DRC3: variants seen among roughly 807,000 people sequenced by gnomAD.
DRC3 encodes dynein regulatory complex subunit 3.
A neutral mutation model predicts 57.6 loss-of-function variants in DRC3; 45 were observed. The observed-to-expected ratio is 0.78, with a 90% CI of 0.62 to 1.00. The LOEUF (loss-of-function observed/expected upper bound fraction) is 1.00. Among genes scored for constraint, DRC3 ranks in the 50% least tolerant of loss-of-function variants. The pLI is 0.00. For synonymous variants in DRC3, 257 were observed against 272.3 expected (o/e 0.94, Z 0.55); for missense variants, 655 against 675.2 (o/e 0.97, Z 0.33).
At position 17,992,587 on chromosome 17, in the gene DRC3, C is replaced by T. The variant is rs11657196; in HGVS notation, c.445-178C>T. Among the ~76,000 whole-genome samples, 937 of 152,240 alleles carry T rather than the reference C, an allele frequency of 6.2e-3. 7 individuals carry two copies. The highest frequency in any genetic ancestry group is 0.011 in the Non-Finnish European group (730 of 68,002). ...AAAGCCCATTTCTGACAGAAGGTCTCGGTACTGCTTCCCAGCCTGGAACAC... is the reference window on the plus strand; with the variant it reads ...AAAGCCCATTTCTGACAGAAGGTCTTGGTACTGCTTCCCAGCCTGGAACAC... On this transcript the variant is annotated intron_variant, in intron 5 of 13. Transcript: ENST00000399187.
rs1568557763 is a variant in DRC3, at chr17:18,016,596, G to A, written c.1497G>A (p.Val499=). Residue 499 remains valine, a synonymous_variant, in exon 14 of 14, where the codon GTG becomes GTA. Coordinates refer to ENST00000399187, the MANE Select transcript of DRC3 (RefSeq NM_031294.4). ...KDEIMRNRKR[V]KEINQYIDHM... is the part of the protein sequence containing the mutation. ...AGATCATGAGGAACCGCAAGCGCGT[G>A]AAGGAGATCAATCAGTACATCGACC... 6.2e-7 allele frequency: 1 copy of A among 1,613,932 alleles called. No individual in the cohort carries two copies. The highest frequency in any genetic ancestry group is 2.2e-5 in the East Asian group (1 of 44,872).
In DRC3 at chr17:17,992,805, GC is replaced by G; in HGVS notation, c.487del (p.Leu163SerfsTer50). ...LRRFKCLRTL[S>X]LSRNPISEAE... ...CGGTTCAAGTGCCTGCGGACGCTCA[GC>G]CTCTCTAGGAACCCTATCTCTGAGG... On this transcript the variant is annotated frameshift_variant, in exon 6 of 14. Coordinates refer to ENST00000399187, the MANE Select transcript of DRC3 (RefSeq NM_031294.4). LOFTEE classifies it high-confidence loss of function. 1 of 1,613,842 alleles carries G rather than the reference GC, an allele frequency of 6.2e-7. No individual in the cohort carries two copies. The highest frequency in any genetic ancestry group is 8.5e-7 in the Non-Finnish European group (1 of 1,179,848).
intron 9 of DRC3, 76 bp downstream of exon 9, chr17:17,997,710 G>A: frequency 7.4e-7 from 1 of 1,344,950 alleles, no homozygotes; most frequent in Non-Finnish European, 1.0e-6. Context: ...CCCACTGTAG[G>A]GGGACTGCAA....
intron 5 of DRC3, 150 bp from the exon 6 acceptor site, chr17:17,992,615 C>G: frequency 1.3e-6 from 1 of 776,450 alleles, no homozygotes. Flanking sequence ...TGGAACACCC[C>G]CACGCCTGCA....
intron 4 of DRC3, among the ~76,000 whole-genome samples, chr17:17,985,975 A>G (rs561835929): frequency 3.3e-5 from 5 of 152,258 alleles, no homozygotes; most frequent in African/African-American, 1.2e-4. Flanking sequence ...GCAGTGGCAC[A>G]ATCTCAGCTC....
At chr17:17,997,679 GC>G (rs768359204) in intron 9 of DRC3, 45 bp downstream of exon 9, 3 of 1,503,610 alleles carry the variant, frequency 2.0e-6, no homozygotes, top group Non-Finnish European at 2.7e-6. Flanking sequence ...CCTGCTGTAG[GC>G]CCTCCCTGCT....
chr17:17,990,581 C>T (rs967800360), intron 5 of DRC3, among the ~76,000 whole-genome samples: 3 of 152,206 alleles, frequency 2.0e-5, no homozygotes, highest in South Asian at 2.1e-4. Flanking sequence ...ATGTCACCTC[C>T]CCAGAGAGAC....
intron 9 of DRC3, among the ~76,000 whole-genome samples, chr17:18,003,250 C>G (rs62072050): frequency 0.4 from 60,967 of 151,464 alleles, 13,405 homozygotes; most frequent in East Asian, 0.87. Flanking sequence ...TCTGGGAGGC[C>G]GAGGTGGGTG....
chr17:17,994,209 G>C (rs2043354767), intron 6 of DRC3, 90 bp from the exon 7 acceptor site: 2 of 1,508,808 alleles, frequency 1.3e-6, no homozygotes, highest in Non-Finnish European at 8.9e-7. Flanking sequence ...CCCATGCGCG[G>C]GAGGCTGCAG....
chr17:18,011,031 C>T (rs2044150454), intron 12 of DRC3: 1 of 216,870 alleles, frequency 4.6e-6, no homozygotes, highest in African/African-American at 2.4e-5. Flanking sequence ...GATCTTGGCT[C>T]ACGACAATCT....
intron 3 of DRC3, among the ~76,000 whole-genome samples, chr17:17,980,776 G>A (rs2042639321): frequency 6.6e-6 from 1 of 152,010 alleles, no homozygotes; most frequent in African/African-American, 2.4e-5. Flanking sequence ...TGTATTTTTA[G>A]TAGAGACGGG....
In DRC3 at chr17:17,995,082, C is replaced by T. The variant is rs753600788; in HGVS notation, c.795C>T (p.Tyr265=). ...AEDSEGNNLS[Y]LPGVGELLET... ...ACTCAGAGGGCAACAATCTGTCCTA[C>T]CTGCCTGGTGTCGGTGAGCTCCTTG... The change falls in exon 8 of 14, where the codon TAC becomes TAT. Residue 265 remains tyrosine (Y), a synonymous_variant. Transcript: ENST00000399187. 1 of 1,613,824 alleles carries T rather than the reference C, an allele frequency of 6.2e-7. No homozygotes were observed. Among genetic ancestry groups the T allele is most frequent in the South Asian group, 1.1e-5 (1 of 91,088 alleles).
chr17:17,977,650 C>T lies in DRC3; in HGVS notation c.52C>T (p.Leu18Phe), dbSNP rs1291508127. The T allele has an allele frequency of 1.2e-6, 2 of 1,613,842 alleles. No individual in the cohort carries two copies. Among genetic ancestry groups the T allele is most frequent in the African/African-American group, 1.3e-5 (1 of 74,910 alleles). ...MEPRVMDDDM[L>F]KLAVGDQGPQ... The stretch of plus-strand genomic sequence containing the variant: ...GCCGAGGGTGATGGACGATGACATG[C>T]TCAAGCTGGCCGTCGGGGACCAGGG... Residue 18 changes from leucine to phenylalanine, a missense_variant, in exon 3 of 14, where the codon CTC becomes TTC. Physicochemically the swap from Leu to Phe is conservative, Grantham distance 22 (BLOSUM62 0). Coordinates refer to ENST00000399187, the MANE Select transcript of DRC3 (RefSeq NM_031294.4).
chr17:17,999,929 TGC>T (rs1053806347), intron 9 of DRC3, among the ~76,000 whole-genome samples: 4 of 151,948 alleles, frequency 2.6e-5, no homozygotes, highest in Non-Finnish European at 4.4e-5. Flanking sequence ...TGTGTGTGTG[TGC>T]GTGCGTGCAC....
In DRC3 at chr17:17,979,557, G is replaced by GT. The variant is rs549342808; in HGVS notation, c.160+1800dup. On this transcript the variant is annotated intron_variant, in intron 3 of 13. Transcript: ENST00000399187. ...TTTTTTTGGCAGTCCTGTCATGCTG[G>GT]TAACTCATTTAGAGCTAACTGCCAA... 3.3e-5 allele frequency among the ~76,000 whole-genome samples: 5 copies of GT among 152,244 alleles called. No homozygotes were observed. The South Asian group carries it at 1.0e-3, about 32-fold the overall frequency.
rs1381510818 is a variant in DRC3 at position 17,983,962 on chromosome 17, G to C, written c.277+18G>C. 1 of 1,515,738 alleles carries C rather than the reference G, an allele frequency of 6.6e-7. No individual in the cohort carries two copies. Among genetic ancestry groups the C allele is most frequent in the South Asian group, 1.1e-5 (1 of 88,610 alleles). The allele number at this position is 1,515,738 out of a possible 1,614,324, so 93.9% of individuals were successfully genotyped here. A position where few individuals can be genotyped will look rare whatever the true frequency, so the allele number is the denominator to read the frequency against. On this transcript the variant is annotated intron_variant, in intron 4 of 13. Coordinates refer to ENST00000399187, the MANE Select transcript of DRC3 (RefSeq NM_031294.4). ...CTGGCTGGGTAAGGCCCTTTCCTCTGTGTGTCCACCCTAATCGAAGGTGAC... is the reference window on the plus strand; with the variant it reads ...CTGGCTGGGTAAGGCCCTTTCCTCTCTGTGTCCACCCTAATCGAAGGTGAC...
intron 3 of DRC3, among the ~76,000 whole-genome samples, chr17:17,979,712 G>T (rs546241999): frequency 1.6e-4 from 24 of 152,188 alleles, no homozygotes; most frequent in African/African-American, 5.8e-4. Context: ...TGCTACTGCT[G>T]GGGGGCTGTC....
intron 5 of DRC3, among the ~76,000 whole-genome samples, chr17:17,990,656 C>A (rs2043185745): frequency 6.6e-6 from 1 of 152,250 alleles, no homozygotes; most frequent in Admixed American, 6.5e-5. Flanking sequence ...TCTTGATGTT[C>A]CTTACAGCAC....
At chr17:17,991,807 T>C (rs1054376156) in intron 5 of DRC3, among the ~76,000 whole-genome samples, 1 of 152,208 alleles carries the variant, frequency 6.6e-6, no homozygotes, top group Non-Finnish European at 1.5e-5. Context: ...TCCCATTTAA[T>C]TTAAGATATT....
Sources: allele counts gnomAD v4.1 joint callset (sites outside exome capture counted in the v4.1 genomes callset), GRCh38; gene constraint gnomAD v4.1.1; transcripts MANE v1.5; gene names NCBI Gene and HGNC (gene_info 2026-07-23, HGNC 2026-07-21).